The following RABGAP1L variants were observed in gnomAD, a reference collection of about 807,000 sequenced individuals.
RABGAP1L encodes the protein rab GTPase-activating protein 1-like.
A neutral mutation model predicts 137.7 loss-of-function variants in RABGAP1L; 63 were observed. That is an observed-to-expected ratio of 0.46 (90% CI 0.37 to 0.56). The LOEUF is 0.56. Ranked by LOEUF, RABGAP1L falls within the 20% of genes least tolerant of loss-of-function variation. The pLI is 0.00. For synonymous variants in RABGAP1L, 431 were observed against 433.7 expected, an observed-to-expected ratio of 0.99 and a Z score of 0.08; for missense variants, 1,095 against 1,244.0, an observed-to-expected ratio of 0.88 and a Z score of 1.80.
intron 22 of RABGAP1L, among the ~76,000 whole-genome samples, chr1:174,977,470 CAT>C (rs1473121617): frequency 2.0e-5 from 3 of 152,178 alleles, no homozygotes; most frequent in Non-Finnish European, 4.4e-5. Context: ...GTTCCATAGA[CAT>C]ATATACTAGC....
intron 13 of RABGAP1L, among the ~76,000 whole-genome samples, chr1:174,598,157 C>T (rs891746816): frequency 6.6e-6 from 1 of 151,930 alleles, no homozygotes; most frequent in Non-Finnish European, 1.5e-5. Flanking sequence ...GGGAAAACCC[C>T]ATCTCTACTA....
intron 21 of RABGAP1L, among the ~76,000 whole-genome samples, chr1:174,971,212 C>G (rs1670099767): frequency 6.6e-6 from 1 of 151,096 alleles, no homozygotes. Context: ...AGCATTGGAA[C>G]TTTTAAAAAT....
intron 19 of RABGAP1L, among the ~76,000 whole-genome samples, chr1:174,923,331 A>G (rs1052272764): frequency 6.6e-6 from 1 of 152,198 alleles, no homozygotes; most frequent in Non-Finnish European, 1.5e-5. Flanking sequence ...CTTAAGACTG[A>G]TTTGTGTAAA....
At chr1:174,485,913 A>G (rs1436831280) in intron 13 of RABGAP1L, among the ~76,000 whole-genome samples, 1 of 152,018 alleles carries the variant, frequency 6.6e-6, no homozygotes, top group Non-Finnish European at 1.5e-5. Context: ...ATTCAGATTG[A>G]TATTATTTCT....
intron 11 of RABGAP1L, among the ~76,000 whole-genome samples, chr1:174,351,915 C>T (rs1266716921): frequency 6.6e-6 from 1 of 152,146 alleles, no homozygotes; most frequent in African/African-American, 2.4e-5. Context: ...CATTCTCTTG[C>T]CTCAGCCTCC....
intron 11 of RABGAP1L, among the ~76,000 whole-genome samples, chr1:174,360,124 A>G (rs1049454411): frequency 1.3e-5 from 2 of 152,174 alleles, no homozygotes; most frequent in Admixed American, 6.5e-5. Context: ...AGTGGAAAAT[A>G]ATTTGGGAGA....
At chr1:174,240,811 G>A (rs990443748) in intron 4 of RABGAP1L, among the ~76,000 whole-genome samples, 3 of 152,154 alleles carry the variant, frequency 2.0e-5, no homozygotes, top group Non-Finnish European at 2.9e-5. Flanking sequence ...ACTAGATTTA[G>A]GGATGGGTGA....
intron 19 of RABGAP1L, among the ~76,000 whole-genome samples, chr1:174,868,365 G>A (rs1288006594): frequency 6.6e-6 from 1 of 152,156 alleles, no homozygotes; most frequent in Non-Finnish European, 1.5e-5. Context: ...TGAAATTATG[G>A]CTCCTCCCTA....
At chr1:174,185,752 G>A (rs1298745231) in intron 1 of RABGAP1L, among the ~76,000 whole-genome samples, 2 of 152,176 alleles carry the variant, frequency 1.3e-5, no homozygotes, top group African/African-American at 2.4e-5. Flanking sequence ...ATGCTGACAT[G>A]TGTGTCCTTG....
At chr1:174,277,281 C>T (rs1434540095) in intron 9 of RABGAP1L, among the ~76,000 whole-genome samples, 2 of 151,904 alleles carry the variant, frequency 1.3e-5, no homozygotes, top group Admixed American at 1.3e-4. Flanking sequence ...TTTGTTATTT[C>T]TGGAGACAGG....
At chr1:174,610,868 T>G (rs952570622) in intron 13 of RABGAP1L, among the ~76,000 whole-genome samples, 1 of 152,240 alleles carries the variant, frequency 6.6e-6, no homozygotes, top group Non-Finnish European at 1.5e-5. Flanking sequence ...GAGAAGTGTC[T>G]GTTCATGTCC....
intron 10 of RABGAP1L, among the ~76,000 whole-genome samples, chr1:174,291,605 C>G (rs541316736): frequency 6.6e-6 from 1 of 152,050 alleles, no homozygotes; most frequent in Non-Finnish European, 1.5e-5. Flanking sequence ...TTATGGGAAG[C>G]CTTTTAAATC....
At chr1:174,626,946 A>G (rs1474102624) in intron 13 of RABGAP1L, among the ~76,000 whole-genome samples, 1 of 152,218 alleles carries the variant, frequency 6.6e-6, no homozygotes, top group African/African-American at 2.4e-5. Flanking sequence ...AATAGAAGGC[A>G]AAGTCTGAGG....
intron 1 of RABGAP1L, among the ~76,000 whole-genome samples, chr1:174,166,809 A>G (rs993119125): frequency 1.3e-5 from 2 of 152,334 alleles, no homozygotes; most frequent in Admixed American, 6.5e-5. Flanking sequence ...AGTGTTGCCC[A>G]GGTAACAACA....
chr1:174,537,829 G>C (rs2147918362), intron 13 of RABGAP1L, among the ~76,000 whole-genome samples: 1 of 152,222 alleles, frequency 6.6e-6, no homozygotes, highest in South Asian at 2.1e-4. Context: ...AAATCTTCCA[G>C]TGAAACTAAC....
At chr1:174,496,076 A>G (rs1660706980) in intron 13 of RABGAP1L, among the ~76,000 whole-genome samples, 1 of 152,182 alleles carries the variant, frequency 6.6e-6, no homozygotes, top group Admixed American at 6.6e-5. Context: ...AACTGTAGAC[A>G]TGAAAGTTTA....
At chr1:174,856,980 G>GA (rs1401989082) in intron 19 of RABGAP1L, among the ~76,000 whole-genome samples, 1 of 151,408 alleles carries the variant, frequency 6.6e-6, no homozygotes, top group East Asian at 1.9e-4. Context: ...ATAAACACAT[G>GA]AAAAAAACTT....
At chr1:174,841,413 C>T (rs1693384853) in intron 19 of RABGAP1L, among the ~76,000 whole-genome samples, 1 of 151,830 alleles carries the variant, frequency 6.6e-6, no homozygotes, top group Non-Finnish European at 1.5e-5. Flanking sequence ...AAAACAAAAG[C>T]ATAATGAAAA....
At chr1:174,461,936 T>C (rs1656737371) in intron 13 of RABGAP1L, among the ~76,000 whole-genome samples, 2 of 152,172 alleles carry the variant, frequency 1.3e-5, no homozygotes, top group Admixed American at 1.3e-4. Flanking sequence ...TGTTTATTTA[T>C]ATTCAGCTGA....
Sources: allele counts gnomAD v4.1 joint callset (sites outside exome capture counted in the v4.1 genomes callset), GRCh38; gene constraint gnomAD v4.1.1; transcripts MANE v1.5; gene names NCBI Gene and HGNC (gene_info 2026-07-23, HGNC 2026-07-21).